Variants in TANC1 observed in about 807,000 individuals in gnomAD.
The protein encoded by TANC1 is tetratricopeptide repeat, ankyrin repeat and coiled-coil containing 1.
Under a neutral mutation model 149.7 loss-of-function variants are expected in TANC1, and 77 were observed. The ratio of observed to expected loss-of-function variants is 0.51; its 90% CI spans 0.43 to 0.62. The LOEUF (loss-of-function observed/expected upper bound fraction) is 0.62, where lower values mean the gene tolerates loss of function less well. Among genes scored for constraint, TANC1 ranks in the 20% least tolerant of loss-of-function variants. The pLI is 0.00. For synonymous variants in TANC1, 854 were observed against 925.0 expected (o/e 0.92, Z 1.39); for missense variants, 1,985 against 2,321.8 (o/e 0.85, Z 2.98).
intron 22 of TANC1, among the ~76,000 whole-genome samples, chr2:159,221,356 G>A (rs1008479533): frequency 5.3e-5 from 8 of 152,148 alleles, no homozygotes; most frequent in African/African-American, 1.7e-4. Context: ...ACTCCAGCCT[G>A]GGCAACAGAG....
chr2:159,073,157 T>C (rs893374080), intron 3 of TANC1, among the ~76,000 whole-genome samples: 1 of 152,236 alleles, frequency 6.6e-6, no homozygotes, highest in African/African-American at 2.4e-5. Flanking sequence ...TAAAATGTTA[T>C]CTCAACACAT....
At chr2:159,087,231 C>G (rs2044990270) in intron 3 of TANC1, among the ~76,000 whole-genome samples, 1 of 152,030 alleles carries the variant, frequency 6.6e-6, no homozygotes, top group Admixed American at 6.6e-5. Flanking sequence ...TATACAGTTT[C>G]TTATATTTTT....
At chr2:159,044,277 C>T (rs1028743120) in intron 2 of TANC1, among the ~76,000 whole-genome samples, 1 of 151,946 alleles carries the variant, frequency 6.6e-6, no homozygotes, top group Non-Finnish European at 1.5e-5. Flanking sequence ...CCAAACAGAA[C>T]AAAACAAAAA....
intron 7 of TANC1, 118 bp from the exon 8 acceptor site, chr2:159,163,165 A>G (rs2054218671): frequency 5.9e-6 from 6 of 1,025,066 alleles, no homozygotes; most frequent in Non-Finnish European, 8.5e-6. Context: ...ACTTTGATAA[A>G]AATCTGTGTG....
intron 2 of TANC1, among the ~76,000 whole-genome samples, chr2:159,036,851 T>A (rs912804986): frequency 1.3e-5 from 2 of 152,216 alleles, no homozygotes; most frequent in Admixed American, 6.5e-5. Flanking sequence ...GTATAATGAT[T>A]TATAGTCCTT....
chr2:159,065,992 A>C (rs1435271703), intron 3 of TANC1, 21 bp downstream of exon 3: 2 of 1,597,688 alleles, frequency 1.3e-6, no homozygotes, highest in Admixed American at 1.7e-5. Flanking sequence ...AAGAATGAGA[A>C]GCTCAGCCAT....
chr2:159,097,862 G>A (rs140497921), intron 4 of TANC1, 28 bp downstream of exon 4: 8 of 1,596,380 alleles, frequency 5.0e-6, no homozygotes, highest in African/African-American at 1.3e-5. Context: ...GAGCTGCCTT[G>A]GTTATATATG....
rs77099338 is a variant in TANC1, at chr2:158,988,486, T to C, written c.-125-12594T>C. Reference sequence around the variant, plus strand: ...GCTGCTGATTAGTTCATTTTTCCGATGTGTGGGAGAGAGGAGCATCTTCCT... The same window carrying C: ...GCTGCTGATTAGTTCATTTTTCCGACGTGTGGGAGAGAGGAGCATCTTCCT... On this transcript the variant is annotated intron_variant, in intron 1 of 26. Transcript: ENST00000263635. Among the ~76,000 whole-genome samples the C allele has an allele frequency of 9.2e-5, 14 of 152,274 alleles. No individual in the cohort carries two copies. The East Asian group carries it at 1.7e-3, about 19-fold the overall frequency.
chr2:159,092,597 T>G (rs2045664858), intron 3 of TANC1, among the ~76,000 whole-genome samples: 1 of 152,274 alleles, frequency 6.6e-6, no homozygotes, highest in Non-Finnish European at 1.5e-5. Flanking sequence ...GACTTTGACT[T>G]ACTTGTATGC....
chr2:159,219,935 A>C, intron 22 of TANC1, 68 bp downstream of exon 22: 217 of 1,505,124 alleles, frequency 1.4e-4, no homozygotes, highest in Non-Finnish European at 1.8e-4. Context: ...TGAACAGCTC[A>C]ATCCAGGGCC....
At chr2:159,148,840 C>G (rs1177899512) in intron 5 of TANC1, 1 of 222,020 alleles carries the variant, frequency 4.5e-6, no homozygotes, top group East Asian at 1.0e-4. Context: ...TTTTCTTACC[C>G]AAGCTGATGT....
At chr2:159,090,642 A>G (rs964811099) in intron 3 of TANC1, among the ~76,000 whole-genome samples, 2 of 152,208 alleles carry the variant, frequency 1.3e-5, no homozygotes, top group African/African-American at 4.8e-5. Flanking sequence ...GCTGGCAAGG[A>G]AATGTAGAAT....
Position 158,990,766 on chromosome 2 carries a change from C to T in TANC1, c.-125-10314C>T, listed in dbSNP as rs142927281. ...TGAACTTGCTGGTGGGCCTTGTGTACCTTGCTGAAGAATTCAGGGTTATGG... is the reference window on the plus strand; with the variant it reads ...TGAACTTGCTGGTGGGCCTTGTGTATCTTGCTGAAGAATTCAGGGTTATGG... On this transcript the variant is annotated intron_variant, in intron 1 of 26. Transcript: ENST00000263635. 4.0e-4 allele frequency among the ~76,000 whole-genome samples: 61 copies of T among 152,078 alleles called. 1 individual carries two copies. Among genetic ancestry groups the T allele is most frequent in the Non-Finnish European group, 7.2e-4 (49 of 68,006 alleles).
rs999450573 is a variant in TANC1 at position 158,986,466 on chromosome 2, T to G, written c.-125-14614T>G. 2.0e-5 allele frequency among the ~76,000 whole-genome samples: 3 copies of G among 152,150 alleles called. No individual in the cohort carries two copies. The South Asian group carries it at 6.2e-4, about 31-fold the overall frequency. On this transcript the variant is annotated intron_variant, in intron 1 of 26. Coordinates refer to ENST00000263635, the MANE Select transcript of TANC1 (RefSeq NM_033394.3). Reference sequence around the variant, plus strand: ...ATATACCTCCAGGTAGGCATGGACTTAGAATTTGTAGGAGGGCATGGTTAA... The same window carrying G: ...ATATACCTCCAGGTAGGCATGGACTGAGAATTTGTAGGAGGGCATGGTTAA...
chr2:159,211,512 C>G (rs1040200988), intron 19 of TANC1, among the ~76,000 whole-genome samples: 4 of 152,232 alleles, frequency 2.6e-5, no homozygotes, highest in African/African-American at 9.6e-5. Flanking sequence ...TTAACCCTCA[C>G]TGGAGCCTGG....
chr2:159,202,219 T>C (rs6724810), intron 19 of TANC1, among the ~76,000 whole-genome samples: 152,311 of 152,320 alleles, frequency 1, 76,151 homozygotes, highest in Non-Finnish European at 1. Flanking sequence ...CCTCCACCCT[T>C]AGAGCCCTGC....
chr2:159,065,413 C>T (rs1421242055), intron 2 of TANC1, among the ~76,000 whole-genome samples: 1 of 152,224 alleles, frequency 6.6e-6, no homozygotes, highest in Non-Finnish European at 1.5e-5. Context: ...AGATATGCCT[C>T]ATTTCATAAC....
chr2:159,025,178 CTT>C (rs1317950667), intron 2 of TANC1, among the ~76,000 whole-genome samples: 2 of 100,654 alleles, frequency 2.0e-5, no homozygotes, highest in Non-Finnish European at 4.6e-5. Flanking sequence ...TTCTTTCTTT[CTT>C]TTTCTTTCTT....
rs1490256267 is a variant in TANC1 at position 159,178,984 on chromosome 2, T to A, written c.2331T>A (p.Ile777=). 32 of 1,614,104 alleles carry A rather than the reference T, an allele frequency of 2.0e-5. No homozygotes were observed. Among genetic ancestry groups the A allele is most frequent in the Non-Finnish European group, 2.6e-5 (31 of 1,180,020 alleles). The change falls in exon 14 of 27, where the codon ATT becomes ATA. Residue 777 remains isoleucine, a synonymous_variant. Coordinates refer to ENST00000263635, the MANE Select transcript of TANC1 (RefSeq NM_033394.3). ...PMTDEQIFQA[I]NAGHIQGEQG... is the part of the protein sequence containing the mutation. ...CAGACGAGCAGATCTTTCAGGCTATTAATGCTGGCCACATCCAGGGGGAGC... is the reference window on the plus strand; with the variant it reads ...CAGACGAGCAGATCTTTCAGGCTATAAATGCTGGCCACATCCAGGGGGAGC...
Sources: allele counts gnomAD v4.1 joint callset (sites outside exome capture counted in the v4.1 genomes callset), GRCh38; gene constraint gnomAD v4.1.1; transcripts MANE v1.5; gene names NCBI Gene and HGNC (gene_info 2026-07-23, HGNC 2026-07-21).